The following PIN4 variants were observed in gnomAD, a reference collection of about 807,000 sequenced individuals.
PIN4 encodes the protein peptidylprolyl cis/trans isomerase, NIMA-interacting 4.
PIN4 carries 3 observed loss-of-function variants against 8.3 expected under a neutral mutation model. The observed-to-expected ratio is 0.36, with a 90% CI of 0.16 to 0.93. PIN4 has a LOEUF of 0.93. Among genes scored for constraint, PIN4 ranks in the 40% least tolerant of loss-of-function variants. The pLI, the probability that PIN4 is intolerant of heterozygous loss-of-function variation, is 0.44. For missense variants in PIN4, 75 were observed against 100.6 expected, an observed-to-expected ratio of 0.75 and a Z score of 1.09; for synonymous variants, 18 against 32.5, an observed-to-expected ratio of 0.55 and a Z score of 1.52.
chrX:72,243,421 T>G (rs1651047724), intron 3 of PIN4, among the ~76,000 whole-genome samples: 1 of 110,958 alleles, frequency 9.0e-6, no homozygotes, highest in African/African-American at 3.3e-5. Flanking sequence ...GAAATACAAG[T>G]TGGAGTATTT....
intron 3 of PIN4, chrX:72,206,085 A>G: frequency 8.3e-7 from 1 of 1,211,132 alleles, no homozygotes; most frequent in Non-Finnish European, 1.1e-6. Context: ...TGGGCCAAGG[A>G]TTGCAATGAC....
At chrX:72,233,037 C>T (rs780326238) in intron 3 of PIN4, among the ~76,000 whole-genome samples, 18 of 111,065 alleles carry the variant, frequency 1.6e-4, no homozygotes, top group Non-Finnish European at 2.6e-4. Context: ...CTATCCTGAA[C>T]GTATTACTTC....
chrX:72,226,645 C>T (rs1410759847), intron 3 of PIN4, among the ~76,000 whole-genome samples: 1 of 111,333 alleles, frequency 9.0e-6, no homozygotes, highest in African/African-American at 3.3e-5. Flanking sequence ...AGATAAAAAC[C>T]ACATTCCAAT....
At chrX:72,193,085 G>C (rs1322417604) in intron 2 of PIN4, among the ~76,000 whole-genome samples, 1 of 111,507 alleles carries the variant, frequency 9.0e-6, no homozygotes, top group Non-Finnish European at 1.9e-5. Context: ...GGCTCTCCAA[G>C]ACACAGCTGC....
At chrX:72,239,112 C>T in intron 3 of PIN4, 1 of 415,850 alleles carries the variant, frequency 2.4e-6, no homozygotes, top group Non-Finnish European at 4.2e-6. Flanking sequence ...ACGCCTCCGC[C>T]TGAGCCCCGC....
downstream of PIN4, among the ~76,000 whole-genome samples, chrX:72,201,279 T>C (rs1302682639): frequency 8.9e-6 from 1 of 112,208 alleles, no homozygotes; most frequent in East Asian, 2.8e-4. Flanking sequence ...TATGTTGAAA[T>C]ACAGTAGTCC....
intron 3 of PIN4, chrX:72,207,089 G>A: frequency 8.3e-7 from 1 of 1,211,678 alleles, no homozygotes. Flanking sequence ...TCAGTTGCAG[G>A]ATTCCAGCTA....
intron 3 of PIN4, among the ~76,000 whole-genome samples, chrX:72,212,082 C>T (rs2042857913): frequency 9.0e-6 from 1 of 110,728 alleles, no homozygotes; most frequent in South Asian, 3.9e-4. Flanking sequence ...CAGGACCAGC[C>T]TGGCCAACAT....
chrX:72,261,296 G>GAAAAAAAAAAAAAAAAA (rs754002557), intron 3 of PIN4, among the ~76,000 whole-genome samples: 1 of 46,023 alleles, frequency 2.2e-5, no homozygotes, highest in African/African-American at 7.9e-5. Context: ...CTCCGTCTCA[G>GAAAAAAAAAAAAAAAAA]AAAAAAAAAA....
At chrX:72,239,254 A>T (rs1272787841) in intron 3 of PIN4, among the ~76,000 whole-genome samples, 1 of 112,589 alleles carries the variant, frequency 8.9e-6, no homozygotes, top group Non-Finnish European at 1.9e-5. Flanking sequence ...GCTGCAGCCA[A>T]TTCGTTCGCG....
At chrX:72,236,973 G>A (rs2043020636) in intron 3 of PIN4, among the ~76,000 whole-genome samples, 1 of 111,848 alleles carries the variant, frequency 8.9e-6, no homozygotes, top group Non-Finnish European at 1.9e-5. Context: ...CTTTTGAATT[G>A]ACTCATATAG....
intron 3 of PIN4, among the ~76,000 whole-genome samples, chrX:72,259,762 G>A (rs1257275246): frequency 3.7e-5 from 3 of 81,011 alleles, no homozygotes; most frequent in South Asian, 6.7e-4. Context: ...ACAGAGTCTC[G>A]CTCTATTGCC....
intron 2 of PIN4, among the ~76,000 whole-genome samples, chrX:72,191,271 C>G (rs749856787): frequency 2.3e-4 from 26 of 111,439 alleles, no homozygotes; most frequent in Non-Finnish European, 4.9e-4. Flanking sequence ...TTTAGAAGGG[C>G]TGGGCTCTGT....
At chrX:72,251,046 A>T (rs1315937566) in intron 3 of PIN4, among the ~76,000 whole-genome samples, 1 of 104,614 alleles carries the variant, frequency 9.6e-6, no homozygotes, top group Non-Finnish European at 2.0e-5. Context: ...GGCCTGGTAC[A>T]TGCATTTTTT....
At chrX:72,196,744 TG>T (rs1436024252) in intron 2 of PIN4, 40 bp from the exon 3 acceptor site, 7 of 1,161,194 alleles carry the variant, frequency 6.0e-6, no homozygotes, top group Non-Finnish European at 8.1e-6. Context: ...AGGAGTCATT[TG>T]GGTCTCCAAG....
At chrX:72,249,739 A>T (rs976147908) in intron 3 of PIN4, among the ~76,000 whole-genome samples, 6 of 112,061 alleles carry the variant, frequency 5.4e-5, no homozygotes, top group Non-Finnish European at 1.1e-4. Flanking sequence ...CTATGATAGA[A>T]ATCAGAACAG....
intron 3 of PIN4, among the ~76,000 whole-genome samples, chrX:72,213,793 G>A (rs2042871589): frequency 9.0e-6 from 1 of 111,712 alleles, no homozygotes; most frequent in African/African-American, 3.3e-5. Flanking sequence ...CTCACCATGT[G>A]GCCCAAGGTT....
chrX:72,192,614 T>C (rs1343697401), intron 2 of PIN4, among the ~76,000 whole-genome samples: 2 of 111,277 alleles, frequency 1.8e-5, no homozygotes, highest in Admixed American at 9.6e-5. Context: ...AGACAGGTTC[T>C]TGCTCTGTCA....
Position 72,232,563 on chromosome X carries a change from C to G in PIN4, c.313-30144C>G, listed in dbSNP as rs766235320. ...GTGGCTCACGCCTGTAATCCCAGCA[C>G]TTGGGGAGGCCAAGGCAGGCAGATC... On this transcript the variant is annotated intron_variant, in intron 3 of 3. Transcript: ENST00000423432. 7.1e-5 allele frequency among the ~76,000 whole-genome samples: 8 copies of G among 112,374 alleles called. No homozygotes were observed. In the South Asian group the frequency reaches 2.9e-3, roughly 41 times the overall value.
Sources: gnomAD v4.1 joint callset for allele counts (sites outside exome capture counted in the v4.1 genomes callset) on GRCh38, gnomAD v4.1.1 for gene constraint, MANE v1.5 for transcripts, NCBI Gene and HGNC (gene_info 2026-07-23, HGNC 2026-07-21) for gene names.